Variants in CFAP299 observed in about 807,000 individuals in gnomAD.
CFAP299 encodes cilia and flagella associated protein 299.
In CFAP299, 21 loss-of-function variants were observed where a neutral mutation model predicts 27.0. The ratio of observed to expected loss-of-function variants is 0.78; its 90% CI spans 0.55 to 1.12. The LOEUF is 1.12. CFAP299 is among the 50% of genes most tolerant of loss of function. The pLI, the probability that CFAP299 is intolerant of heterozygous loss-of-function variation, is 0.00. For missense variants in CFAP299, 310 were observed against 276.6 expected (o/e 1.12, Z -0.86); for synonymous variants, 104 against 98.1 (o/e 1.06, Z -0.36).
chr4:80,713,335 G>A lies in CFAP299; in HGVS notation c.333+130152G>A, dbSNP rs901288433. On this transcript the variant is annotated intron_variant, in intron 3 of 5. Transcript: ENST00000358105. Reference sequence around the variant, plus strand: ...AGTCCAGAGAATTGCACATCCAGCTGTGCAACATGCTGTTGTGTGCAGTTT... The same window carrying A: ...AGTCCAGAGAATTGCACATCCAGCTATGCAACATGCTGTTGTGTGCAGTTT... Among the ~76,000 whole-genome samples the A allele has an allele frequency of 3.3e-5, 5 of 152,306 alleles. 1 individual carries two copies. The East Asian group carries it at 9.7e-4, about 29-fold the overall frequency.
intron 2 of CFAP299, among the ~76,000 whole-genome samples, chr4:80,372,233 A>G (rs190647776): frequency 1.5e-3 from 230 of 152,310 alleles, no homozygotes; most frequent in African/African-American, 5.0e-3. Flanking sequence ...ACCAGATCTC[A>G]CAAGAACTCA....
At chr4:80,467,508 T>C (rs1262876162) in intron 2 of CFAP299, among the ~76,000 whole-genome samples, 4 of 152,192 alleles carry the variant, frequency 2.6e-5, no homozygotes. Context: ...TCCTCAATCT[T>C]TTCAAAGAAA....
chr4:80,567,529 GA>G (rs892973177), intron 2 of CFAP299, among the ~76,000 whole-genome samples: 1 of 151,322 alleles, frequency 6.6e-6, no homozygotes, highest in Non-Finnish European at 1.5e-5. Context: ...AATAGTTTAC[GA>G]AAAAAAGGGG....
At chr4:80,779,334 T>A (rs1483187166) in intron 3 of CFAP299, among the ~76,000 whole-genome samples, 1 of 152,068 alleles carries the variant, frequency 6.6e-6, no homozygotes, top group African/African-American at 2.4e-5. Flanking sequence ...TATCTAATTC[T>A]ACCACAGAAA....
At chr4:80,705,750 C>A (rs1721782518) in intron 3 of CFAP299, among the ~76,000 whole-genome samples, 1 of 151,814 alleles carries the variant, frequency 6.6e-6, no homozygotes, top group Non-Finnish European at 1.5e-5. Flanking sequence ...CAGCAATTAA[C>A]CTAATTATCT....
chr4:80,869,088 A>G (rs1732924356), intron 3 of CFAP299, among the ~76,000 whole-genome samples: 1 of 152,120 alleles, frequency 6.6e-6, no homozygotes, highest in Admixed American at 6.6e-5. Flanking sequence ...CTTGCTAGAC[A>G]TTGGTCTGTA....
intron 2 of CFAP299, chr4:80,386,519 G>GGC (rs1553918722): frequency 4.1e-5 from 65 of 1,567,824 alleles, no homozygotes; most frequent in South Asian, 1.4e-4. Context: ...TGGTGGGGGG[G>GGC]GGGGGTGCCG....
chr4:80,629,173 C>A (rs1198318364), intron 3 of CFAP299, among the ~76,000 whole-genome samples: 1 of 152,060 alleles, frequency 6.6e-6, no homozygotes. Context: ...CATGTATTAA[C>A]CTGGAGGACA....
chr4:80,739,441 A>C (rs1724124144), intron 3 of CFAP299, among the ~76,000 whole-genome samples: 2 of 151,978 alleles, frequency 1.3e-5, no homozygotes, highest in African/African-American at 4.8e-5. Flanking sequence ...TCTAGGGTAA[A>C]AGTGGTTTTC....
At chr4:80,907,948 T>G (rs1735266619) in intron 4 of CFAP299, among the ~76,000 whole-genome samples, 1 of 152,206 alleles carries the variant, frequency 6.6e-6, no homozygotes, top group Non-Finnish European at 1.5e-5. Context: ...CATTCCCTTC[T>G]TTGGATGGAA....
intron 1 of CFAP299, among the ~76,000 whole-genome samples, chr4:80,355,147 A>G (rs890081534): frequency 7.2e-5 from 11 of 152,122 alleles, no homozygotes; most frequent in Admixed American, 4.6e-4. Context: ...CCAACAATGT[A>G]TAAGTGTTCC....
chr4:80,359,322 C>T (rs1309594028), intron 1 of CFAP299, among the ~76,000 whole-genome samples: 2 of 151,948 alleles, frequency 1.3e-5, no homozygotes, highest in African/African-American at 2.4e-5. Flanking sequence ...TTGTGAAGTA[C>T]CTTACTGGGG....
chr4:80,852,780 G>A (rs1392925785), intron 3 of CFAP299, among the ~76,000 whole-genome samples: 1 of 152,112 alleles, frequency 6.6e-6, no homozygotes. Flanking sequence ...GACATCACAA[G>A]TGTAAAGTTC....
chr4:80,857,287 G>A (rs1458180178), intron 3 of CFAP299, among the ~76,000 whole-genome samples: 7 of 152,274 alleles, frequency 4.6e-5, no homozygotes, highest in Admixed American at 6.5e-5. Context: ...TTGCTTATCA[G>A]CTTAAGGAGA....
intron 3 of CFAP299, among the ~76,000 whole-genome samples, chr4:80,854,809 TGAAAA>T (rs1731734415): frequency 2.9e-5 from 2 of 67,888 alleles, no homozygotes; most frequent in African/African-American, 1.6e-4. Flanking sequence ...GCTGTTGCTA[TGAAAA>T]AAAAAAAAAA....
intron 3 of CFAP299, among the ~76,000 whole-genome samples, chr4:80,740,911 C>A (rs1724223572): frequency 6.6e-6 from 1 of 152,112 alleles, no homozygotes. Flanking sequence ...GCGAATGCTG[C>A]CAGGCGTGGG....
chr4:80,568,055 A>ATGAC (rs1380799903), intron 2 of CFAP299, among the ~76,000 whole-genome samples: 6 of 151,814 alleles, frequency 4.0e-5, no homozygotes, highest in Admixed American at 3.9e-4. Context: ...TGAGGAAAAG[A>ATGAC]TGACTGGTGT....
intron 3 of CFAP299, among the ~76,000 whole-genome samples, chr4:80,754,024 T>C (rs1725087954): frequency 1.3e-5 from 2 of 152,168 alleles, no homozygotes. Context: ...TTGTCTCCAG[T>C]CCATGAGTTT....
At chr4:80,445,861 A>C (rs994296767) in intron 2 of CFAP299, among the ~76,000 whole-genome samples, 2 of 152,190 alleles carry the variant, frequency 1.3e-5, no homozygotes, top group African/African-American at 4.8e-5. Context: ...TTTCTTTGAC[A>C]TAGTTAATAT....
Sources: gnomAD v4.1 joint callset for allele counts (sites outside exome capture counted in the v4.1 genomes callset) on GRCh38, gnomAD v4.1.1 for gene constraint, MANE v1.5 for transcripts, NCBI Gene and HGNC (gene_info 2026-07-23, HGNC 2026-07-21) for gene names.